The following FTO variants were observed in gnomAD, a reference collection of about 807,000 sequenced individuals.
The protein encoded by FTO is FTO alpha-ketoglutarate dependent dioxygenase.
A neutral mutation model predicts 63.9 loss-of-function variants in FTO; 47 were observed. That is an observed-to-expected ratio of 0.74 (90% CI 0.58 to 0.94). FTO has a LOEUF of 0.94. FTO is among the 40% of genes least tolerant of loss of function. The pLI is 0.00. For synonymous variants in FTO, 207 were observed against 224.4 expected (o/e 0.92, Z 0.69); for missense variants, 562 against 618.1 (o/e 0.91, Z 0.96).
chr16:53,850,336 A>AT (rs112564916), intron 4 of FTO, among the ~76,000 whole-genome samples: 9,027 of 147,214 alleles, frequency 0.061, 620 homozygotes, highest in African/African-American at 0.16. Context: ...CTTGTGTTCA[A>AT]TTTTTTTTTT....
chr16:53,989,828 C>A (rs2083759969), intron 8 of FTO, among the ~76,000 whole-genome samples: 1 of 151,764 alleles, frequency 6.6e-6, no homozygotes, highest in Admixed American at 6.6e-5. Context: ...ACCCACCCCT[C>A]CACTCCCTCC....
chr16:53,750,004 G>T (rs966535344), intron 1 of FTO, among the ~76,000 whole-genome samples: 2 of 152,154 alleles, frequency 1.3e-5, no homozygotes, highest in Non-Finnish European at 2.9e-5. Flanking sequence ...AGTTATCAAA[G>T]AATCTGTGCA....
chr16:53,989,939 C>T (rs117170433), intron 8 of FTO, among the ~76,000 whole-genome samples: 1 of 151,816 alleles, frequency 6.6e-6, no homozygotes, highest in South Asian at 2.1e-4. Context: ...AATACATTTT[C>T]TCTTCTTCGT....
intron 8 of FTO, among the ~76,000 whole-genome samples, chr16:53,967,105 A>G (rs1457917782): frequency 6.6e-6 from 1 of 152,136 alleles, no homozygotes; most frequent in Non-Finnish European, 1.5e-5. Context: ...AGTGGTGCCT[A>G]AGGATTCTGG....
chr16:54,030,963 C>T (rs1221278429), intron 8 of FTO, among the ~76,000 whole-genome samples: 1 of 152,044 alleles, frequency 6.6e-6, no homozygotes, highest in Non-Finnish European at 1.5e-5. Flanking sequence ...AGTATTATTC[C>T]ATAAGAATGC....
intron 8 of FTO, chr16:54,072,350 A>G (rs1320298068): frequency 3.3e-5 from 5 of 152,194 alleles, no homozygotes; most frequent in African/African-American, 1.2e-4. Context: ...GCCGTCTGTC[A>G]TGACTACAGA....
At chr16:54,011,436 A>G (rs1232957573) in intron 8 of FTO, among the ~76,000 whole-genome samples, 3 of 152,214 alleles carry the variant, frequency 2.0e-5, no homozygotes, top group South Asian at 2.1e-4. Flanking sequence ...GCAGGACCCT[A>G]TATCTATCAG....
chr16:54,097,747 C>T (rs1281148811), intron 8 of FTO, among the ~76,000 whole-genome samples: 1 of 152,194 alleles, frequency 6.6e-6, no homozygotes, highest in African/African-American at 2.4e-5. Flanking sequence ...CACACAGACA[C>T]ACACACGCAC....
At chr16:54,000,769 A>G (rs1203753895) in intron 8 of FTO, among the ~76,000 whole-genome samples, 1 of 152,238 alleles carries the variant, frequency 6.6e-6, no homozygotes, top group East Asian at 1.9e-4. Flanking sequence ...ATAATCACCC[A>G]TATATTGCAT....
intron 1 of FTO, among the ~76,000 whole-genome samples, chr16:53,718,933 G>A (rs1328555569): frequency 2.6e-5 from 4 of 152,080 alleles, no homozygotes; most frequent in Non-Finnish European, 5.9e-5. Context: ...GGGGTTGAGG[G>A]TATATCAGAA....
chr16:53,836,993 G>T (rs1039043404), intron 3 of FTO, among the ~76,000 whole-genome samples: 1 of 152,268 alleles, frequency 6.6e-6, no homozygotes, highest in South Asian at 2.1e-4. Flanking sequence ...CAACGTAAGG[G>T]TTTCCTGTGA....
At chr16:53,831,314 G>C (rs12921970) in intron 3 of FTO, among the ~76,000 whole-genome samples, 106,378 of 152,030 alleles carry the variant, frequency 0.7, 37,441 homozygotes, top group Non-Finnish European at 0.73. Context: ...TGCCTTGTCA[G>C]TGATTTTTGA....
chr16:53,817,018 G>A (rs1458887159), intron 2 of FTO, among the ~76,000 whole-genome samples: 1 of 152,146 alleles, frequency 6.6e-6, no homozygotes, highest in African/African-American at 2.4e-5. Context: ...TTCTATTGTA[G>A]GACATTCTTC....
At chr16:54,078,539 ACAGT>A (rs1395456854) in intron 8 of FTO, among the ~76,000 whole-genome samples, 1 of 152,004 alleles carries the variant, frequency 6.6e-6, no homozygotes, top group African/African-American at 2.4e-5. Flanking sequence ...TGACACACAC[ACAGT>A]CAGCTACACA....
At chr16:54,081,726 G>A (rs572851291) in intron 8 of FTO, among the ~76,000 whole-genome samples, 1 of 152,348 alleles carries the variant, frequency 6.6e-6, no homozygotes, top group African/African-American at 2.4e-5. Flanking sequence ...TCACCGAACA[G>A]ATGGGCAGAG....
chr16:53,777,585 T>A (rs1276429160), intron 1 of FTO, among the ~76,000 whole-genome samples: 1 of 152,184 alleles, frequency 6.6e-6, no homozygotes, highest in Non-Finnish European at 1.5e-5. Context: ...TGGAAAATTA[T>A]CATGTCACTG....
intron 4 of FTO, among the ~76,000 whole-genome samples, chr16:53,848,755 G>A (rs1157461361): frequency 6.6e-6 from 1 of 152,150 alleles, no homozygotes; most frequent in African/African-American, 2.4e-5. Context: ...CAGTTCAAGG[G>A]ACATCAACAC....
intron 7 of FTO, among the ~76,000 whole-genome samples, chr16:53,903,763 A>G (rs1407608022): frequency 2.0e-5 from 3 of 152,176 alleles, no homozygotes; most frequent in Non-Finnish European, 4.4e-5. Flanking sequence ...ATCCTAATAC[A>G]TAACGTTTTT....
chr16:53,999,949 T>A (rs2143983505), intron 8 of FTO: 1 of 152,344 alleles, frequency 6.6e-6, no homozygotes, highest in East Asian at 1.9e-4. Flanking sequence ...CAGTGAGCAG[T>A]GATCTTCCGT....
Sources: gnomAD v4.1 joint callset for allele counts (sites outside exome capture counted in the v4.1 genomes callset) on GRCh38, gnomAD v4.1.1 for gene constraint, MANE v1.5 for transcripts, NCBI Gene and HGNC (gene_info 2026-07-23, HGNC 2026-07-21) for gene names.